Variants in LRP1B observed in about 807,000 individuals in gnomAD.
LRP1B encodes the protein low-density lipoprotein receptor-related protein 1B.
LRP1B carries 217 observed loss-of-function variants against 556.6 expected under a neutral mutation model. The observed-to-expected ratio is 0.39, with a 90% CI of 0.35 to 0.44. The LOEUF (loss-of-function observed/expected upper bound fraction) is 0.44. Ranked by LOEUF, LRP1B falls within the 20% of genes least tolerant of loss-of-function variation. The pLI, the probability that LRP1B is intolerant of heterozygous loss-of-function variation, is 1.00. For synonymous variants in LRP1B, 2,047 were observed against 1,865.8 expected, an observed-to-expected ratio of 1.10 and a Z score of -2.50; for missense variants, 5,053 against 5,620.8, an observed-to-expected ratio of 0.90 and a Z score of 3.23.
At chr2:141,712,333 A>C (rs950442459) in intron 2 of LRP1B, among the ~76,000 whole-genome samples, 30 of 152,032 alleles carry the variant, frequency 2.0e-4, no homozygotes, top group Non-Finnish European at 4.0e-4. Flanking sequence ...AACCAGTATC[A>C]CGTCAACTGT....
intron 1 of LRP1B, among the ~76,000 whole-genome samples, chr2:142,055,049 A>G (rs966219398): frequency 2.0e-5 from 3 of 152,150 alleles, no homozygotes; most frequent in African/African-American, 4.8e-5. Context: ...CTCACCAAAT[A>G]TACATTATGC....
chr2:140,634,094 A>G lies in LRP1B; in HGVS notation c.6800-32455T>C, dbSNP rs185288424. ...AATGTAGCAGTGCATGAAAAGAATT[A>G]CACACCAAAACCGAGTAGGATTTAT... On this transcript the variant is annotated intron_variant, in intron 41 of 90. Coordinates refer to ENST00000389484, the MANE Select transcript of LRP1B (RefSeq NM_018557.3). Among the ~76,000 whole-genome samples, 286 of 152,310 alleles carry G rather than the reference A, an allele frequency of 1.9e-3. 1 individual carries two copies. The highest frequency in any genetic ancestry group is 3.7e-3 in the Non-Finnish European group (250 of 68,000).
At chr2:140,807,144 G>A (rs1167615647) in intron 32 of LRP1B, among the ~76,000 whole-genome samples, 1 of 152,162 alleles carries the variant, frequency 6.6e-6, no homozygotes, top group African/African-American at 2.4e-5. Flanking sequence ...TAGTGACCAG[G>A]AAAATGTCAA....
At chr2:142,029,574 CACAA>C (rs1480175778) in intron 1 of LRP1B, among the ~76,000 whole-genome samples, 18 of 151,798 alleles carry the variant, frequency 1.2e-4, no homozygotes, top group African/African-American at 2.2e-4. Context: ...AGTTCCAAGA[CACAA>C]ACAATTTACT....
intron 7 of LRP1B, among the ~76,000 whole-genome samples, chr2:141,176,481 A>G (rs1173527702): frequency 8.6e-5 from 13 of 152,044 alleles, no homozygotes; most frequent in Admixed American, 5.2e-4. Context: ...CACCATGTGA[A>G]GAAGGTCACA....
At chr2:141,548,968 A>G (rs72853570) in intron 2 of LRP1B, among the ~76,000 whole-genome samples, 43,028 of 152,010 alleles carry the variant, frequency 0.28, 6,363 homozygotes, top group East Asian at 0.48. Context: ...ATGACAGCAT[A>G]CAGTTGGAAA....
chr2:141,950,561 T>C (rs1457542783), intron 1 of LRP1B, among the ~76,000 whole-genome samples: 1 of 152,174 alleles, frequency 6.6e-6, no homozygotes, highest in Non-Finnish European at 1.5e-5. Flanking sequence ...GCATTTTAAT[T>C]AAAACTTCAA....
chr2:141,458,644 A>AT (rs35918601), intron 3 of LRP1B, among the ~76,000 whole-genome samples: 9 of 150,706 alleles, frequency 6.0e-5, no homozygotes, highest in Non-Finnish European at 1.2e-4. Context: ...TCCCTATCTC[A>AT]TTTTTTTTTT....
chr2:141,730,701 T>TA (rs1277324937), intron 2 of LRP1B, among the ~76,000 whole-genome samples: 29 of 152,256 alleles, frequency 1.9e-4, no homozygotes, highest in African/African-American at 3.1e-4. Context: ...TTAAGGGTGA[T>TA]AAAAAAAGCT....
At chr2:140,434,886 T>C (rs939853106) in intron 66 of LRP1B, among the ~76,000 whole-genome samples, 3 of 152,168 alleles carry the variant, frequency 2.0e-5, no homozygotes, top group African/African-American at 7.2e-5. Flanking sequence ...TTCAAACTGA[T>C]GTTAACATAT....
Position 140,748,775 on chromosome 2 carries a change from T to C in LRP1B, c.5758+20438A>G, listed in dbSNP as rs370985986. 1.7e-4 allele frequency among the ~76,000 whole-genome samples: 5 copies of C among 29,308 alleles called. 2 individuals are homozygous for C. Among genetic ancestry groups the C allele is most frequent in the Non-Finnish European group, 2.9e-4 (4 of 13,608 alleles). 19.2% of individuals were successfully genotyped at this position (29,308 alleles called of 152,430 possible). On this transcript the variant is annotated intron_variant, in intron 35 of 90. Transcript: ENST00000389484. ...ATATATATTATATACATGTATATAA[T>C]ATGTATATAATATATATTATATACA...
chr2:141,149,227 G>A (rs959821003), intron 7 of LRP1B, among the ~76,000 whole-genome samples: 10 of 151,724 alleles, frequency 6.6e-5, no homozygotes, highest in South Asian at 2.1e-4. Flanking sequence ...TGGTGGTGGT[G>A]GTGTTTTGTT....
chr2:140,341,174 A>T (rs1303201294), intron 77 of LRP1B, among the ~76,000 whole-genome samples: 1 of 151,660 alleles, frequency 6.6e-6, no homozygotes, highest in Admixed American at 6.6e-5. Flanking sequence ...TCTCTCATCC[A>T]TCAAATTCAT....
At position 141,058,865 on chromosome 2, in the gene LRP1B, A is replaced by T. The variant is rs977574990; in HGVS notation, c.1408+18T>A. 1 of 1,567,254 alleles carries T rather than the reference A, an allele frequency of 6.4e-7. No individual in the cohort carries two copies. Among genetic ancestry groups the T allele is most frequent in the African/African-American group, 1.4e-5 (1 of 72,534 alleles). Reference sequence around the variant, plus strand: ...CAATCTACCATTAGGAAGGTAATAAAGAAGCTTTCCCACTTACCTGTTGGT... The same window carrying T: ...CAATCTACCATTAGGAAGGTAATAATGAAGCTTTCCCACTTACCTGTTGGT... On this transcript the variant is annotated intron_variant, in intron 9 of 90. Transcript: ENST00000389484.
intron 6 of LRP1B, among the ~76,000 whole-genome samples, chr2:141,224,607 G>C (rs1027039905): frequency 6.6e-5 from 10 of 152,036 alleles, no homozygotes; most frequent in Non-Finnish European, 1.2e-4. Context: ...TAAAGGAAAT[G>C]GTACATATAT....
At chr2:140,358,377 G>T (rs1307334662) in intron 73 of LRP1B, among the ~76,000 whole-genome samples, 2 of 151,546 alleles carry the variant, frequency 1.3e-5, no homozygotes, top group Admixed American at 6.6e-5. Context: ...TTTTTTTAGA[G>T]GGTGATATTA....
At chr2:140,980,644 A>G (rs1262266965) in intron 18 of LRP1B, among the ~76,000 whole-genome samples, 4 of 152,180 alleles carry the variant, frequency 2.6e-5, no homozygotes, top group Non-Finnish European at 5.9e-5. Flanking sequence ...AAATACAGGC[A>G]TTTAAATTGA....
intron 55 of LRP1B, among the ~76,000 whole-genome samples, chr2:140,496,804 A>G (rs1688964165): frequency 6.6e-6 from 1 of 152,056 alleles, no homozygotes; most frequent in South Asian, 2.1e-4. Context: ...AGTATTGAGT[A>G]GGATGTGAGT....
At chr2:141,508,249 T>A (rs997161420) in intron 2 of LRP1B, among the ~76,000 whole-genome samples, 85 of 152,330 alleles carry the variant, frequency 5.6e-4, no homozygotes, top group African/African-American at 2.0e-3. Context: ...AAGCTGGTTC[T>A]CTTTAAATGC....
Sources: gnomAD v4.1 joint callset for allele counts (sites outside exome capture counted in the v4.1 genomes callset) on GRCh38, gnomAD v4.1.1 for gene constraint, MANE v1.5 for transcripts, NCBI Gene and HGNC (gene_info 2026-07-23, HGNC 2026-07-21) for gene names.